The following RHBDL2 variants were observed in gnomAD, a reference collection of about 807,000 sequenced individuals.
RHBDL2 encodes the protein rhomboid like 2.
In RHBDL2, 26 loss-of-function variants were observed where a neutral mutation model predicts 31.7. The ratio of observed to expected loss-of-function variants is 0.82; its 90% CI spans 0.60 to 1.14. RHBDL2 has a LOEUF of 1.14. Among genes scored for constraint, RHBDL2 ranks in the 50% most tolerant of loss-of-function variants. RHBDL2 has a pLI of 0.00. For synonymous variants in RHBDL2, 123 were observed against 127.2 expected (o/e 0.97, Z 0.22); for missense variants, 336 against 364.4 (o/e 0.92, Z 0.63).
At chr1:38,927,256 T>A (rs1198716057) in intron 1 of RHBDL2, among the ~76,000 whole-genome samples, 3 of 151,930 alleles carry the variant, frequency 2.0e-5, no homozygotes, top group Non-Finnish European at 4.4e-5. Context: ...TGAAACCCCG[T>A]CTCTACTAAA....
intron 4 of RHBDL2, among the ~76,000 whole-genome samples, chr1:38,906,066 CA>C (rs771773572): frequency 0.018 from 1,226 of 68,000 alleles, 15 homozygotes; most frequent in African/African-American, 0.046. Context: ...GACTCCAACT[CA>C]AAAAAAAAAA....
chr1:38,887,206 C>T (rs1028325147), intron 7 of RHBDL2, among the ~76,000 whole-genome samples: 4 of 152,082 alleles, frequency 2.6e-5, no homozygotes, highest in African/African-American at 9.7e-5. Context: ...GTTTTCCAAT[C>T]TGTTTTTTTG....
At chr1:38,912,904 ATATATATGTGTGTG>A (rs1340520363) in intron 3 of RHBDL2, among the ~76,000 whole-genome samples, 44 of 32,588 alleles carry the variant, frequency 1.4e-3, no homozygotes, top group African/African-American at 3.0e-3. Context: ...ATATATATAT[ATATATATGTGTGTG>A]TGTGTGTGTG....
chr1:38,892,176 T>A (rs1642862981), intron 6 of RHBDL2, among the ~76,000 whole-genome samples: 1 of 152,204 alleles, frequency 6.6e-6, no homozygotes, highest in Non-Finnish European at 1.5e-5. Context: ...GGTTGCCCGC[T>A]GCCACCTGCC....
intron 6 of RHBDL2, 50 bp from the exon 7 acceptor site, chr1:38,888,074 A>C: frequency 7.7e-7 from 1 of 1,290,604 alleles, no homozygotes; most frequent in Non-Finnish European, 1.1e-6. Flanking sequence ...ACAGTAGTAC[A>C]CCAAATGTTT....
chr1:38,929,878 G>T (rs1028413745), intron 1 of RHBDL2, among the ~76,000 whole-genome samples: 8 of 152,208 alleles, frequency 5.3e-5, no homozygotes, highest in African/African-American at 1.2e-4. Flanking sequence ...TTAAGAACTG[G>T]CTTTTCAATA....
chr1:38,894,926 C>T (rs1372972584), intron 5 of RHBDL2, among the ~76,000 whole-genome samples: 3 of 152,020 alleles, frequency 2.0e-5, no homozygotes, highest in Admixed American at 6.6e-5. Context: ...TGGATGGTCT[C>T]GATCTCTTGA....
chr1:38,935,729 T>G (rs1643492709), intron 1 of RHBDL2, among the ~76,000 whole-genome samples: 2 of 151,618 alleles, frequency 1.3e-5, no homozygotes, highest in African/African-American at 4.9e-5. Context: ...CCTTCCACCT[T>G]AGCCTCCCAA....
Position 38,911,363 on chromosome 1 carries a change from C to A in RHBDL2, c.467G>T (p.Gly156Val), listed in dbSNP as rs1284304727. 1 of 1,613,976 alleles carries A rather than the reference C, an allele frequency of 6.2e-7. No individual in the cohort carries two copies. Among genetic ancestry groups the A allele is most frequent in the Non-Finnish European group, 8.5e-7 (1 of 1,179,932 alleles). ...LGIPLEMVHK[G>V]LRVGLVYLAG... ...CAGGTACACCAGCCCCACACGGAGG[C>A]CTTTGTGGACCATTTCCAAGGGAAT... The change falls in exon 4 of 8, where the codon GGC (glycine) becomes GTC (valine). Residue 156 changes from glycine to valine, a missense_variant. Transcript: ENST00000372990.
chr1:38,938,236 C>T (rs940295980), intron 1 of RHBDL2, among the ~76,000 whole-genome samples: 4 of 151,816 alleles, frequency 2.6e-5, no homozygotes, highest in Admixed American at 6.6e-5. Context: ...AGGCTGGTCT[C>T]GAACTCCTGA....
At chr1:38,934,198 A>C (rs963919663) in intron 1 of RHBDL2, among the ~76,000 whole-genome samples, 1 of 151,978 alleles carries the variant, frequency 6.6e-6, no homozygotes, top group Non-Finnish European at 1.5e-5. Flanking sequence ...AATGCAAAAA[A>C]TTAGCCAGGC....
chr1:38,925,073 G>A (rs1055989735), intron 1 of RHBDL2, among the ~76,000 whole-genome samples: 3 of 151,796 alleles, frequency 2.0e-5, no homozygotes, highest in Non-Finnish European at 2.9e-5. Flanking sequence ...AAACCACCAT[G>A]CCCAGCCGAA....
chr1:38,906,673 C>CA (rs200610097), intron 4 of RHBDL2, among the ~76,000 whole-genome samples: 30,072 of 138,420 alleles, frequency 0.22, 3,524 homozygotes, highest in African/African-American at 0.33. Flanking sequence ...CACTCCATCT[C>CA]AAAAAAAAAA....
At chr1:38,888,358 G>T (rs1410305973) in intron 6 of RHBDL2, among the ~76,000 whole-genome samples, 1 of 152,044 alleles carries the variant, frequency 6.6e-6, no homozygotes, top group Non-Finnish European at 1.5e-5. Flanking sequence ...GGGTATGTGG[G>T]GGGGTGATTG....
At chr1:38,901,273 C>T (rs1034165439) in intron 4 of RHBDL2, among the ~76,000 whole-genome samples, 9 of 150,688 alleles carry the variant, frequency 6.0e-5, no homozygotes, top group African/African-American at 2.2e-4. Context: ...GACAACCTGG[C>T]CAAAGTGGCG....
At chr1:38,913,140 G>A (rs551604558) in intron 3 of RHBDL2, among the ~76,000 whole-genome samples, 1 of 151,132 alleles carries the variant, frequency 6.6e-6, no homozygotes, top group Admixed American at 6.6e-5. Context: ...CTGCCACCAC[G>A]CCCAGCTAAT....
At chr1:38,937,201 C>A (rs1438091583) in intron 1 of RHBDL2, among the ~76,000 whole-genome samples, 4 of 152,122 alleles carry the variant, frequency 2.6e-5, no homozygotes, top group African/African-American at 9.7e-5. Flanking sequence ...CCGCCTCGGC[C>A]TCTCAAAGTG....
intron 1 of RHBDL2, among the ~76,000 whole-genome samples, chr1:38,936,493 C>G (rs1301187404): frequency 7.5e-6 from 1 of 133,008 alleles, no homozygotes; most frequent in South Asian, 2.4e-4. Flanking sequence ...TGGTTTTTTG[C>G]TTTTTGGGTT....
Position 38,915,678 on chromosome 1 carries a change from C to G in RHBDL2, c.279G>C (p.Lys93Asn). The G allele has an allele frequency of 6.2e-7, 1 of 1,614,178 alleles. No homozygotes were observed. The highest frequency in any genetic ancestry group is 2.2e-5 in the East Asian group (1 of 44,884). The change falls in exon 3 of 8, where the codon AAG (lysine) becomes AAC (asparagine). Residue 93 changes from lysine to asparagine, a missense_variant. By Grantham distance (94) the Lys-to-Asn change is moderately conservative. Coordinates refer to ENST00000372990, the MANE Select transcript of RHBDL2 (RefSeq NM_017821.5). ...CCAACGTGATCCACTGTTTCTGAGG[C>G]TTCCACACAGCATAGTAAATAAACA... ...LAVFIYYAVW[K>N]PQKQWITLDT...
Sources: gnomAD v4.1 joint callset for allele counts (sites outside exome capture counted in the v4.1 genomes callset) on GRCh38, gnomAD v4.1.1 for gene constraint, MANE v1.5 for transcripts, NCBI Gene and HGNC (gene_info 2026-07-23, HGNC 2026-07-21) for gene names.